SMTN: variants seen among roughly 807,000 people sequenced by gnomAD.
The protein encoded by SMTN is smoothelin.
SMTN carries 58 observed loss-of-function variants against 102.0 expected under a neutral mutation model. That is an observed-to-expected ratio of 0.57 (90% CI 0.46 to 0.71). The LOEUF (loss-of-function observed/expected upper bound fraction) is 0.71. SMTN is among the 30% of genes least tolerant of loss of function. The probability of loss-of-function intolerance (pLI) is 0.00; values close to 1 mark genes in which losing one functional copy is unlikely to be tolerated. For synonymous variants in SMTN, 478 were observed against 497.9 expected (o/e 0.96, Z 0.53); for missense variants, 1,185 against 1,241.7 (o/e 0.95, Z 0.69).
chr22:31,095,713 C>G lies in SMTN; in HGVS notation c.1861+104C>G. The G allele has an allele frequency of 1.0e-6, 1 of 986,244 alleles. No homozygotes were observed. The highest frequency in any genetic ancestry group is 1.5e-6 in the Non-Finnish European group (1 of 660,654). 61.1% of individuals were successfully genotyped at this position (986,244 alleles called of 1,614,324 possible). A position where few individuals can be genotyped will look rare whatever the true frequency, so the allele number is the denominator to read the frequency against. On this transcript the variant is annotated intron_variant, in intron 13 of 20. Coordinates refer to ENST00000333137, the MANE Select transcript of SMTN (RefSeq NM_134269.3). This position sits in a 1 kb window ranked among gnomAD's most constrained non-coding sequence, Gnocchi z 4.1. ...TGGACACCCCAGCTTAATAACTGCC[C>G]TACCCAGCTTCTCCTTCTCTAGACC...
At chr22:31,073,521 T>A (rs1265329067) in intron 1 of SMTN, among the ~76,000 whole-genome samples, 1 of 152,132 alleles carries the variant, frequency 6.6e-6, no homozygotes, top group African/African-American at 2.4e-5. Context: ...CAGGAATAGA[T>A]TCCAGGGAAA....
At chr22:31,101,770 C>A (rs1211913553) in intron 20 of SMTN, 1 of 117,256 alleles carries the variant, frequency 8.5e-6, no homozygotes, top group East Asian at 2.4e-4. Flanking sequence ...GGTGACAGAG[C>A]GAGACTCCAT....
At chr22:31,098,504 C>T (rs936184597) in intron 16 of SMTN, among the ~76,000 whole-genome samples, 163 bp from the exon 17 acceptor site, 7 of 152,102 alleles carry the variant, frequency 4.6e-5, no homozygotes, top group Non-Finnish European at 1.0e-4. Flanking sequence ...TCAGTGTACT[C>T]CTCTAAAATG....
chr22:31,100,855 C>CCCCCCCA, intron 19 of SMTN, 30 bp from the exon 20 acceptor site: 1 of 1,091,714 alleles, frequency 9.2e-7, no homozygotes, highest in Non-Finnish European at 1.3e-6. Flanking sequence ...CCCCGTCCCC[C>CCCCCCCA]ACCCCTTCCC....
At chr22:31,093,324 C>T (rs978185381) in intron 11 of SMTN, 4 of 294,750 alleles carry the variant, frequency 1.4e-5, no homozygotes, top group Non-Finnish European at 2.0e-5. Flanking sequence ...GAGGCAGGGG[C>T]GGGGCAGGCC....
chr22:31,100,068 G>A (rs1340143759), intron 19 of SMTN, among the ~76,000 whole-genome samples, 172 bp downstream of exon 19: 2 of 150,352 alleles, frequency 1.3e-5, no homozygotes, highest in Admixed American at 1.3e-4. Flanking sequence ...CCCCCCCGCT[G>A]CTGAGCGTGC....
intron 2 of SMTN, chr22:31,085,238 G>A: frequency 1.3e-6 from 2 of 1,532,168 alleles, no homozygotes; most frequent in Non-Finnish European, 1.7e-6. Flanking sequence ...TGAAGCAGGC[G>A]GTAGCGGGTG....
intron 1 of SMTN, among the ~76,000 whole-genome samples, chr22:31,073,385 T>C (rs913565942): frequency 6.6e-6 from 1 of 152,198 alleles, no homozygotes; most frequent in African/African-American, 2.4e-5. Flanking sequence ...TCATTTTTCC[T>C]GCAGTTAGTA....
Position 31,095,568 on chromosome 22 carries a change from T to C in SMTN, c.1820T>C (p.Leu607Pro). ...DQSTDFEERKLIRAALRELRQ... is the reference protein window; with the variant it reads ...DQSTDFEERKPIRAALRELRQ... ...AGCACGGACTTTGAAGAGCGGAAGC[T>C]CATCCGGGCTGCACTTCGTGAGCTC... Residue 607 changes from leucine (L) to proline (P), a missense_variant, in exon 13 of 21, where the codon CTC becomes CCC. By Grantham distance (98) the Leu-to-Pro change is moderately conservative. Coordinates refer to ENST00000333137, the MANE Select transcript of SMTN (RefSeq NM_134269.3). This position sits in a 1 kb window ranked among gnomAD's most constrained non-coding sequence, Gnocchi z 4.1. The C allele has an allele frequency of 1.2e-6, 2 of 1,614,020 alleles. No individual in the cohort carries two copies. Among genetic ancestry groups the C allele is most frequent in the Non-Finnish European group, 1.7e-6 (2 of 1,179,974 alleles).
At chr22:31,082,715 A>G (rs2042391564) in intron 1 of SMTN, 2 of 682,712 alleles carry the variant, frequency 2.9e-6, no homozygotes, top group Admixed American at 5.2e-5. Context: ...TGGTGGTGGC[A>G]GCAAGAACTA....
intron 1 of SMTN, chr22:31,066,975 C>G (rs1395871999): frequency 6.6e-6 from 1 of 152,022 alleles, no homozygotes; most frequent in Non-Finnish European, 1.5e-5. Flanking sequence ...AGGCCGCTCT[C>G]GAACTCCTAA....
At chr22:31,101,277 A>C (rs1194480842) in intron 20 of SMTN, 2 of 498,690 alleles carry the variant, frequency 4.0e-6, no homozygotes, top group Non-Finnish European at 7.2e-6. Context: ...AGCCCAGGGG[A>C]GATGCCTGAC....
intron 1 of SMTN, among the ~76,000 whole-genome samples, chr22:31,076,071 G>A (rs372290068): frequency 1.3e-5 from 2 of 152,182 alleles, no homozygotes; most frequent in South Asian, 2.1e-4. Context: ...CCTGGCTGGC[G>A]GAAGGCTGGG....
chr22:31,069,219 C>T (rs1421022774), intron 1 of SMTN, among the ~76,000 whole-genome samples: 1 of 152,012 alleles, frequency 6.6e-6, no homozygotes, highest in African/African-American at 2.4e-5. Context: ...CCTTATTGGT[C>T]CTTGGTGGTA....
chr22:31,064,586 G>C (rs2041799222), intron 1 of SMTN: 1 of 152,142 alleles, frequency 6.6e-6, no homozygotes, highest in Non-Finnish European at 1.5e-5. Context: ...TTGAACTCCT[G>C]GGCTCAAGCG....
At chr22:31,083,377 T>C in intron 2 of SMTN, 68 bp downstream of exon 2, 1 of 1,463,534 alleles carries the variant, frequency 6.8e-7, no homozygotes, top group Non-Finnish European at 9.1e-7. Flanking sequence ...CAATCCAGGG[T>C]ACCTCTCAGC....
At chr22:31,077,024 A>G (rs1258890960), upstream of SMTN, among the ~76,000 whole-genome samples, 1 of 152,158 alleles carries the variant, frequency 6.6e-6, no homozygotes, top group African/African-American at 2.4e-5. Context: ...CATTTTACAG[A>G]TGGGCAGACT....
chr22:31,103,305 T>C (rs966529274), intron 20 of SMTN: 2 of 152,258 alleles, frequency 1.3e-5, no homozygotes, highest in African/African-American at 4.8e-5. Context: ...ATGCTTGCTA[T>C]GTCCCAGGTA....
In SMTN at chr22:31,096,790, AG is replaced by A; in HGVS notation, c.1923del (p.Arg642AlafsTer51). On this transcript the variant is annotated frameshift_variant, in exon 14 of 21. Coordinates refer to ENST00000333137, the MANE Select transcript of SMTN (RefSeq NM_134269.3). LOFTEE classifies it high-confidence loss of function. Reference protein sequence around the residue: ...RLQEARGRPGEGRGNTATETT... With the variant: ...RLQEARGRPGXGRGNTATETT... ...CAGGAGGCACGGGGCCGGCCAGGGG[AG>A]GGGCGCGGCAACACAGCCACTGAGA... 6.4e-7 allele frequency: 1 copy of A among 1,563,872 alleles called. No homozygotes were observed. The highest frequency in any genetic ancestry group is 8.6e-7 in the Non-Finnish European group (1 of 1,156,452).
Sources: gnomAD v4.1 joint callset for allele counts (sites outside exome capture counted in the v4.1 genomes callset) on GRCh38, gnomAD v4.1.1 for gene constraint, Gnocchi (gnomAD v3.1) non-coding constraint, MANE v1.5 for transcripts, NCBI Gene and HGNC (gene_info 2026-07-23, HGNC 2026-07-21) for gene names.